TANC2: variants seen among roughly 807,000 people sequenced by gnomAD.
The protein encoded by TANC2 is tetratricopeptide repeat, ankyrin repeat and coiled-coil containing 2.
Under a neutral mutation model 210.5 loss-of-function variants are expected in TANC2, and 26 were observed. That is an observed-to-expected ratio of 0.12 (90% CI 0.09 to 0.17). TANC2 has a LOEUF of 0.17. TANC2 is among the 10% of genes least tolerant of loss of function. The pLI, the probability that TANC2 is intolerant of heterozygous loss-of-function variation, is 1.00. For missense variants in TANC2, 2,129 were observed against 2,608.9 expected (o/e 0.82, Z 4.01); for synonymous variants, 931 against 967.1 (o/e 0.96, Z 0.69).
intron 11 of TANC2, 81 bp from the exon 12 acceptor site, chr17:63,340,020 A>G: frequency 6.0e-6 from 6 of 1,001,604 alleles, no homozygotes; most frequent in Non-Finnish European, 9.2e-6. Context: ...GATTTCTAGT[A>G]TAATCACTCA....
intron 5 of TANC2, among the ~76,000 whole-genome samples, chr17:63,173,547 C>T (rs2040481277): frequency 6.6e-6 from 1 of 152,212 alleles, no homozygotes; most frequent in African/African-American, 2.4e-5. Flanking sequence ...CTGCCTGTAG[C>T]TTCTCCAAGC....
At chr17:63,095,625 A>G (rs2037358721) in intron 3 of TANC2, among the ~76,000 whole-genome samples, 1 of 152,124 alleles carries the variant, frequency 6.6e-6, no homozygotes, top group Non-Finnish European at 1.5e-5. Context: ...TGACCATAGT[A>G]CTGGTATCTA....
chr17:62,995,689 A>G (rs241073), intron 1 of TANC2, among the ~76,000 whole-genome samples: 8,670 of 152,340 alleles, frequency 0.057, 367 homozygotes, highest in African/African-American at 0.12. Context: ...TCCCTTTCTC[A>G]AGACTTCTTT....
At chr17:63,173,066 C>T (rs1192620560) in intron 5 of TANC2, among the ~76,000 whole-genome samples, 4 of 152,056 alleles carry the variant, frequency 2.6e-5, no homozygotes, top group Admixed American at 1.3e-4. Context: ...GCCATATCCA[C>T]CACCTAAGAT....
At chr17:63,354,639 A>T in intron 13 of TANC2, 144 bp from the exon 14 acceptor site, 2 of 1,026,830 alleles carry the variant, frequency 1.9e-6, no homozygotes, top group Non-Finnish European at 1.4e-6. Flanking sequence ...AATTTGTTTT[A>T]CTTTTTGGAT....
chr17:63,112,004 G>A (rs1158657413), intron 4 of TANC2, among the ~76,000 whole-genome samples: 3 of 152,178 alleles, frequency 2.0e-5, no homozygotes, highest in Admixed American at 6.5e-5. Context: ...GGTTACAGGC[G>A]TGAGCCACCG....
chr17:63,167,525 T>C (rs966887042), intron 5 of TANC2, among the ~76,000 whole-genome samples: 4 of 152,172 alleles, frequency 2.6e-5, no homozygotes, highest in Non-Finnish European at 5.9e-5. Context: ...GGTTCTTAAT[T>C]TTTATGGTCA....
intron 12 of TANC2, among the ~76,000 whole-genome samples, chr17:63,347,766 A>G (rs1308253686): frequency 6.6e-6 from 1 of 152,002 alleles, no homozygotes; most frequent in East Asian, 1.9e-4. Context: ...AGGAGACACA[A>G]ATTGTTTTGT....
intron 4 of TANC2, among the ~76,000 whole-genome samples, chr17:63,128,127 A>T (rs547549240): frequency 6.6e-6 from 1 of 152,224 alleles, no homozygotes; most frequent in African/African-American, 2.4e-5. Context: ...TAGGAAAATT[A>T]TGTTAAAAGC....
At chr17:63,272,358 C>T (rs1477801981) in intron 9 of TANC2, among the ~76,000 whole-genome samples, 1 of 152,038 alleles carries the variant, frequency 6.6e-6, no homozygotes, top group Non-Finnish European at 1.5e-5. Context: ...TTATTGCAGT[C>T]CTGTAGTATA....
At chr17:63,025,145 T>C (rs2034498802) in intron 2 of TANC2, among the ~76,000 whole-genome samples, 1 of 152,216 alleles carries the variant, frequency 6.6e-6, no homozygotes, top group Admixed American at 6.5e-5. Flanking sequence ...ACCATTAGTA[T>C]TTCTCCATGG....
chr17:63,338,399 T>A lies in TANC2; in HGVS notation c.1576-1702T>A, dbSNP rs184844313. 1.2e-3 allele frequency among the ~76,000 whole-genome samples: 178 copies of A among 152,356 alleles called. 1 individual carries two copies. The highest frequency in any genetic ancestry group is 4.1e-3 in the African/African-American group (171 of 41,578). On this transcript the variant is annotated intron_variant, in intron 11 of 27. Coordinates refer to ENST00000689528, the Ensembl canonical transcript of TANC2. ...AATATCACAATTTTTATCTTTAAAA[T>A]GGTATCTTCTTACTTTAGGATGTTG...
chr17:63,417,231 T>C (rs775148738), intron 26 of TANC2, among the ~76,000 whole-genome samples: 1 of 152,110 alleles, frequency 6.6e-6, no homozygotes, highest in Non-Finnish European at 1.5e-5. Context: ...TTTTAAAAAA[T>C]TTTTTTACCT....
intron 8 of TANC2, among the ~76,000 whole-genome samples, chr17:63,255,091 ATTTATTTATTTATTTTT>A (rs1020412421): frequency 6.9e-6 from 1 of 145,862 alleles, no homozygotes; most frequent in African/African-American, 2.6e-5. Context: ...TTATTTATTT[ATTTATTTATTTATTTTT>A]ATTTATTTAT....
chr17:63,007,060 TA>T (rs146817612), intron 1 of TANC2, among the ~76,000 whole-genome samples: 20 of 149,210 alleles, frequency 1.3e-4, no homozygotes, highest in East Asian at 1.2e-3. Context: ...ACCCCATCTT[TA>T]AAAAAAAAAT....
At chr17:63,047,789 G>A (rs1464483769) in intron 2 of TANC2, among the ~76,000 whole-genome samples, 2 of 152,080 alleles carry the variant, frequency 1.3e-5, no homozygotes, top group Non-Finnish European at 2.9e-5. Context: ...AGACAGATTT[G>A]TTAACAATAA....
intron 2 of TANC2, among the ~76,000 whole-genome samples, chr17:63,019,504 T>TA (rs1304898818): frequency 9.9e-5 from 15 of 152,156 alleles, no homozygotes; most frequent in African/African-American, 3.4e-4. Context: ...AGGTGTGAGA[T>TA]ACTGTGCCTG....
chr17:63,298,065 G>T (rs1312869131), intron 9 of TANC2, among the ~76,000 whole-genome samples: 1 of 152,148 alleles, frequency 6.6e-6, no homozygotes, highest in Non-Finnish European at 1.5e-5. Context: ...AAGTGTTAAT[G>T]AGGATTTGGA....
At chr17:63,065,930 G>A (rs936559295) in intron 2 of TANC2, among the ~76,000 whole-genome samples, 3 of 151,796 alleles carry the variant, frequency 2.0e-5, no homozygotes, top group Non-Finnish European at 4.4e-5. Context: ...TTGCTCTGTC[G>A]CCCAGACTGG....
Sources: gnomAD v4.1 joint callset for allele counts (sites outside exome capture counted in the v4.1 genomes callset) on GRCh38, gnomAD v4.1.1 for gene constraint, MANE v1.5 for transcripts, NCBI Gene and HGNC (gene_info 2026-07-23, HGNC 2026-07-21) for gene names.